PSME3IP1: variants seen among roughly 807,000 people sequenced by gnomAD.
PSME3IP1 encodes proteasome activator subunit 3 interacting protein 1.
A neutral mutation model predicts 34.1 loss-of-function variants in PSME3IP1; 13 were observed. The ratio of observed to expected loss-of-function variants is 0.38; its 90% CI spans 0.25 to 0.61. The LOEUF is 0.61. Ranked by LOEUF, PSME3IP1 falls within the 20% of genes least tolerant of loss-of-function variation. PSME3IP1 has a pLI of 0.60. For missense variants in PSME3IP1, 237 were observed against 301.4 expected (o/e 0.79, Z 1.58); for synonymous variants, 93 against 114.3 (o/e 0.81, Z 1.19).
Position 57,165,669 on chromosome 16 carries a change from T to G in PSME3IP1, c.482+1424A>C, listed in dbSNP as rs547649872. 3.9e-5 allele frequency among the ~76,000 whole-genome samples: 6 copies of G among 152,230 alleles called. No homozygotes were observed. In the South Asian group the frequency reaches 6.2e-4, roughly 16 times the overall value. On this transcript the variant is annotated intron_variant, in intron 5 of 6. Transcript: ENST00000309137. ...GTGCAAGGCCTGCGAATATAAATTA[T>G]TAACAAACTCCCAGGTGATTCCAAT...
At chr16:57,157,757 T>C (rs1001189145) in intron 6 of PSME3IP1, among the ~76,000 whole-genome samples, 1 of 152,186 alleles carries the variant, frequency 6.6e-6, no homozygotes, top group East Asian at 1.9e-4. Context: ...AAATGTTTTA[T>C]TATGTGCATA....
In PSME3IP1 at chr16:57,174,253, C is replaced by T. The variant is rs145682558; in HGVS notation, c.-15-384G>A. On this transcript the variant is annotated intron_variant, in intron 1 of 6. Transcript: ENST00000309137. ...AGGTTGCAGTGAGCCAAGATCACACCGCTGCACCCCAGCTTGAGCGACAGG... is the reference window on the plus strand; with the variant it reads ...AGGTTGCAGTGAGCCAAGATCACACTGCTGCACCCCAGCTTGAGCGACAGG... 2.8e-3 allele frequency: 569 copies of T among 204,046 alleles called. 3 individuals are homozygous for T. The highest frequency in any genetic ancestry group is 0.013 in the African/African-American group (528 of 42,060). The allele number at this position is 204,046 out of a possible 1,614,324, so 12.6% of individuals were successfully genotyped here.
At chr16:57,182,775 T>C (rs1231161028) in intron 1 of PSME3IP1, among the ~76,000 whole-genome samples, 2 of 151,940 alleles carry the variant, frequency 1.3e-5, no homozygotes, top group African/African-American at 4.8e-5. Flanking sequence ...CCAGGCGTAG[T>C]AGCACATGCC....
At chr16:57,161,450 C>CT (rs1328024012) in intron 6 of PSME3IP1, among the ~76,000 whole-genome samples, 2 of 150,576 alleles carry the variant, frequency 1.3e-5, no homozygotes, top group African/African-American at 4.9e-5. Flanking sequence ...TACCTCAATA[C>CT]TTTTTTAAAA....
chr16:57,164,175 G>T, intron 5 of PSME3IP1, 110 bp from the exon 6 acceptor site: 1 of 830,640 alleles, frequency 1.2e-6, no homozygotes, highest in Non-Finnish European at 2.0e-6. Flanking sequence ...GTCTCAAGAG[G>T]CTGGGATGAT....
At chr16:57,177,294 G>A (rs2073268883) in intron 1 of PSME3IP1, among the ~76,000 whole-genome samples, 1 of 151,712 alleles carries the variant, frequency 6.6e-6, no homozygotes, top group African/African-American at 2.4e-5. Context: ...CAGTTCTCAT[G>A]CCTCAGCCTC....
intron 1 of PSME3IP1, among the ~76,000 whole-genome samples, chr16:57,179,161 T>C (rs898358654): frequency 2.0e-5 from 3 of 149,088 alleles, no homozygotes; most frequent in Non-Finnish European, 4.4e-5. Flanking sequence ...GCTGTCAGCT[T>C]TCCTTTACTC....
At chr16:57,158,634 T>C (rs182518205) in intron 6 of PSME3IP1, among the ~76,000 whole-genome samples, 3 of 152,272 alleles carry the variant, frequency 2.0e-5, no homozygotes, top group East Asian at 1.9e-4. Context: ...AAAGGATATA[T>C]AGATCAGTTA....
intron 1 of PSME3IP1, among the ~76,000 whole-genome samples, chr16:57,182,565 A>AAC (rs1370616314): frequency 2.7e-5 from 4 of 150,256 alleles, no homozygotes; most frequent in African/African-American, 9.8e-5. Flanking sequence ...AAAAAAAAAA[A>AAC]AAAAAAAAAA....
At chr16:57,161,800 C>T (rs901913594) in intron 6 of PSME3IP1, among the ~76,000 whole-genome samples, 4 of 151,990 alleles carry the variant, frequency 2.6e-5, no homozygotes, top group South Asian at 2.1e-4. Flanking sequence ...TGGGAGTCAC[C>T]GCGCCCGGCC....
intron 5 of PSME3IP1, among the ~76,000 whole-genome samples, chr16:57,165,094 C>G (rs574519791): frequency 6.7e-6 from 1 of 150,024 alleles, no homozygotes; most frequent in African/African-American, 2.4e-5. Context: ...AAACCACATG[C>G]AATTAAGTTG....
intron 1 of PSME3IP1, chr16:57,185,504 G>T (rs2074095054): frequency 5.1e-6 from 5 of 985,238 alleles, no homozygotes; most frequent in African/African-American, 1.7e-5. Context: ...AAGACCTCTG[G>T]AACGGAGCCT....
At chr16:57,185,766 T>C (rs1441101373) in intron 1 of PSME3IP1, 55 bp downstream of exon 1, 4 of 985,110 alleles carry the variant, frequency 4.1e-6, no homozygotes, top group Non-Finnish European at 4.8e-6. Context: ...ATCTCTTCCG[T>C]AAGGAAGCTG....
At chr16:57,185,598 T>C (rs1304295690) in intron 1 of PSME3IP1, 128 of 985,476 alleles carry the variant, frequency 1.3e-4, no homozygotes, top group African/African-American at 2.1e-4. Flanking sequence ...TGGGCCCGCC[T>C]GAAAGGGTCC....
intron 6 of PSME3IP1, among the ~76,000 whole-genome samples, chr16:57,158,237 T>C (rs933716): frequency 0.31 from 47,883 of 152,130 alleles, 7,901 homozygotes; most frequent in South Asian, 0.45. Context: ...GTAGTACTTA[T>C]GTATACCAGA....
At chr16:57,172,194 T>C (rs1338466650) in intron 4 of PSME3IP1, 57 bp downstream of exon 4, 8 of 1,594,284 alleles carry the variant, frequency 5.0e-6, no homozygotes, top group Non-Finnish European at 6.0e-6. Flanking sequence ...ACAACATCCA[T>C]AGATGCTGAT....
chr16:57,179,105 C>T (rs1424749867), intron 1 of PSME3IP1, among the ~76,000 whole-genome samples: 1 of 152,226 alleles, frequency 6.6e-6, no homozygotes, highest in Non-Finnish European at 1.5e-5. Context: ...ATTAGGAATG[C>T]TTACTTTGTC....
intron 4 of PSME3IP1, among the ~76,000 whole-genome samples, chr16:57,171,794 T>C: frequency 6.6e-6 from 1 of 152,350 alleles, no homozygotes; most frequent in East Asian, 1.9e-4. Flanking sequence ...TTCAAGTGGA[T>C]GACCAAAAGG....
intron 1 of PSME3IP1, among the ~76,000 whole-genome samples, chr16:57,177,325 G>C (rs1033611623): frequency 1.3e-5 from 2 of 150,810 alleles, no homozygotes; most frequent in East Asian, 3.9e-4. Context: ...GGGACTACAG[G>C]CATGCACCAC....
Sources: allele counts gnomAD v4.1 joint callset (sites outside exome capture counted in the v4.1 genomes callset), GRCh38; gene constraint gnomAD v4.1.1; transcripts MANE v1.5; gene names NCBI Gene and HGNC (gene_info 2026-07-23, HGNC 2026-07-21).